Variants in TTC29 observed in about 807,000 individuals in gnomAD.
TTC29 encodes tetratricopeptide repeat domain 29, also known as tetratricopeptide repeat protein 29.
In TTC29, 49 loss-of-function variants were observed where a neutral mutation model predicts 58.1. That is an observed-to-expected ratio of 0.84 (90% CI 0.67 to 1.07). TTC29 has a LOEUF of 1.07. Among genes scored for constraint, TTC29 ranks in the 50% least tolerant of loss-of-function variants. The probability of loss-of-function intolerance (pLI) is 0.00; values close to 1 mark genes in which losing one functional copy is unlikely to be tolerated. For missense variants in TTC29, 582 were observed against 555.6 expected (o/e 1.05, Z -0.48); for synonymous variants, 209 against 196.8 (o/e 1.06, Z -0.52).
chr4:146,900,835 T>C (rs1158072869), intron 6 of TTC29, among the ~76,000 whole-genome samples: 1 of 152,172 alleles, frequency 6.6e-6, no homozygotes, highest in Non-Finnish European at 1.5e-5. Flanking sequence ...AAGTTTTATG[T>C]TATGTTTTTC....
chr4:146,762,284 C>T (rs769091404), intron 11 of TTC29, among the ~76,000 whole-genome samples: 17 of 151,538 alleles, frequency 1.1e-4, no homozygotes, highest in Non-Finnish European at 2.2e-4. Flanking sequence ...GGTGGTACAA[C>T]GTCTGAGGTT....
chr4:146,784,299 T>A (rs1052740784), intron 11 of TTC29, among the ~76,000 whole-genome samples: 2 of 152,014 alleles, frequency 1.3e-5, no homozygotes, highest in African/African-American at 4.8e-5. Context: ...TTAAAAAAAA[T>A]TAAAAATAGT....
intron 6 of TTC29, among the ~76,000 whole-genome samples, chr4:146,888,832 G>A (rs1221418268): frequency 1.3e-5 from 2 of 152,052 alleles, no homozygotes; most frequent in African/African-American, 4.8e-5. Context: ...AATCAGAGCT[G>A]GAGGTGAACT....
At chr4:146,843,893 A>G (rs1054578697) in intron 8 of TTC29, among the ~76,000 whole-genome samples, 1 of 152,200 alleles carries the variant, frequency 6.6e-6, no homozygotes, top group South Asian at 2.1e-4. Flanking sequence ...TAAGTCCTGC[A>G]GAGTTTTAGG....
At chr4:146,888,472 C>G (rs1732138786) in intron 6 of TTC29, among the ~76,000 whole-genome samples, 2 of 152,156 alleles carry the variant, frequency 1.3e-5, no homozygotes, top group Admixed American at 1.3e-4. Context: ...TGGGGATTCA[C>G]TGAAATTGCT....
rs542194734 is a variant in TTC29 at position 146,910,692 on chromosome 4, G to T, written c.177-1443C>A. On this transcript the variant is annotated intron_variant, in intron 4 of 12. Transcript: ENST00000325106. ...ATTTTACAAAAGTCATCTGGAAGAA[G>T]TGTCCCAGCTGAACCGCAACCTTCC... Among the ~76,000 whole-genome samples the T allele has an allele frequency of 6.6e-5, 10 of 152,280 alleles. No homozygotes were observed. In the South Asian group the frequency reaches 2.1e-3, roughly 32 times the overall value.
At position 146,745,250 on chromosome 4, in the gene TTC29, C is replaced by T. The variant is rs114523963; in HGVS notation, c.1331-37699G>A. ...AAGGGCACAGGGCCTTTGGCTCAGA[C>T]AATTGAAACTCTGGCAAAGTGAGAG... On this transcript the variant is annotated intron_variant, in intron 11 of 12. Transcript: ENST00000325106. Among the ~76,000 whole-genome samples the T allele has an allele frequency of 2.2e-3, 328 of 152,280 alleles. 3 individuals carry two copies. Among genetic ancestry groups the T allele is most frequent in the Non-Finnish European group, 3.9e-3 (268 of 68,024 alleles).
intron 11 of TTC29, among the ~76,000 whole-genome samples, chr4:146,745,334 G>A (rs1745464103): frequency 6.6e-6 from 1 of 152,184 alleles, no homozygotes. Context: ...AGGGGAAAAT[G>A]AAATGCTGGC....
intron 11 of TTC29, among the ~76,000 whole-genome samples, chr4:146,787,881 G>C (rs543149636): frequency 7.2e-6 from 1 of 138,048 alleles, no homozygotes; most frequent in South Asian, 2.4e-4. Flanking sequence ...TCGGTCACCA[G>C]CTGCCAATCT....
At chr4:146,761,273 A>G (rs1746876381) in intron 11 of TTC29, among the ~76,000 whole-genome samples, 1 of 151,948 alleles carries the variant, frequency 6.6e-6, no homozygotes, top group Non-Finnish European at 1.5e-5. Flanking sequence ...ATTCAATCAC[A>G]AATATAATCT....
chr4:146,851,363 G>A (rs571673715), intron 8 of TTC29, among the ~76,000 whole-genome samples: 3 of 152,178 alleles, frequency 2.0e-5, no homozygotes. Flanking sequence ...CAGGCACTGT[G>A]ATTCCAAGGG....
chr4:146,758,307 T>A (rs1051576728), intron 11 of TTC29, among the ~76,000 whole-genome samples: 2 of 152,086 alleles, frequency 1.3e-5, no homozygotes, highest in Non-Finnish European at 2.9e-5. Flanking sequence ...TAAACATATA[T>A]GCACCTAACA....
chr4:146,886,978 A>G (rs1732027822), intron 6 of TTC29, among the ~76,000 whole-genome samples: 1 of 152,204 alleles, frequency 6.6e-6, no homozygotes, highest in South Asian at 2.1e-4. Context: ...CAAATACTTC[A>G]TGATTCCACT....
chr4:146,747,820 G>A (rs373222789), intron 11 of TTC29, among the ~76,000 whole-genome samples: 9 of 152,290 alleles, frequency 5.9e-5, no homozygotes, highest in Admixed American at 4.6e-4. Flanking sequence ...ATAGAAGCTT[G>A]ACTTAGTGGT....
At chr4:146,823,058 G>C (rs1751950594) in intron 9 of TTC29, among the ~76,000 whole-genome samples, 1 of 152,134 alleles carries the variant, frequency 6.6e-6, no homozygotes, top group Non-Finnish European at 1.5e-5. Flanking sequence ...TAGGTTGCCT[G>C]TTCACTCTGA....
chr4:146,776,246 C>T (rs545925886), intron 11 of TTC29, among the ~76,000 whole-genome samples: 5 of 152,194 alleles, frequency 3.3e-5, no homozygotes, highest in South Asian at 2.1e-4. Context: ...TCCTAGATGT[C>T]GATGATCTTC....
intron 7 of TTC29, among the ~76,000 whole-genome samples, chr4:146,871,362 A>G (rs533887515): frequency 2.0e-5 from 3 of 152,084 alleles, no homozygotes; most frequent in African/African-American, 7.2e-5. Flanking sequence ...ATCTACAAAA[A>G]AACCCTCAGT....
chr4:146,708,885 C>T (rs1390189686), intron 11 of TTC29, among the ~76,000 whole-genome samples: 1 of 152,052 alleles, frequency 6.6e-6, no homozygotes, highest in East Asian at 1.9e-4. Flanking sequence ...CCCAGAAACC[C>T]ATTTTTGTTA....
chr4:146,917,879 T>C (rs1044978631), intron 4 of TTC29, among the ~76,000 whole-genome samples: 1 of 150,160 alleles, frequency 6.7e-6, no homozygotes, highest in Non-Finnish European at 1.5e-5. Flanking sequence ...ATTTCATCTT[T>C]TATTATATGA....
Sources: allele counts gnomAD v4.1 joint callset (sites outside exome capture counted in the v4.1 genomes callset), GRCh38; gene constraint gnomAD v4.1.1; transcripts MANE v1.5; gene names NCBI Gene and HGNC (gene_info 2026-07-23, HGNC 2026-07-21).